SEMA5A: variants seen among roughly 807,000 people sequenced by gnomAD.
The protein encoded by SEMA5A is semaphorin-5A.
SEMA5A carries 55 observed loss-of-function variants against 135.5 expected under a neutral mutation model. The ratio of observed to expected loss-of-function variants is 0.41; its 90% CI spans 0.33 to 0.51. The LOEUF is 0.51. Ranked by LOEUF, SEMA5A falls within the 20% of genes least tolerant of loss-of-function variation. SEMA5A has a pLI of 0.37. For missense variants in SEMA5A, 1,290 were observed against 1,419.9 expected (o/e 0.91, Z 1.47); for synonymous variants, 580 against 546.5 (o/e 1.06, Z -0.85).
chr5:9,411,436 G>T (rs190745117), intron 2 of SEMA5A, among the ~76,000 whole-genome samples: 5 of 152,302 alleles, frequency 3.3e-5, no homozygotes, highest in Admixed American at 3.3e-4. Context: ...AAAGTGTGTT[G>T]TTAGTTGCGC....
chr5:9,396,952 A>G (rs919027286), intron 2 of SEMA5A, among the ~76,000 whole-genome samples: 3 of 152,134 alleles, frequency 2.0e-5, no homozygotes, highest in Non-Finnish European at 4.4e-5. Flanking sequence ...ACACTGAAAT[A>G]TATTCAACCT....
intron 10 of SEMA5A, among the ~76,000 whole-genome samples, chr5:9,194,119 C>G (rs761263123): frequency 6.6e-6 from 1 of 152,078 alleles, no homozygotes; most frequent in Non-Finnish European, 1.5e-5. Flanking sequence ...CACTGGGCCT[C>G]GGTGATGTTT....
At chr5:9,111,473 T>C (rs1311004068) in intron 15 of SEMA5A, among the ~76,000 whole-genome samples, 1 of 152,222 alleles carries the variant, frequency 6.6e-6, no homozygotes, top group Non-Finnish European at 1.5e-5. Flanking sequence ...GCTCAGCATG[T>C]TATTATTGTA....
At chr5:9,169,618 GAAC>G (rs772256791) in intron 11 of SEMA5A, among the ~76,000 whole-genome samples, 1 of 152,100 alleles carries the variant, frequency 6.6e-6, no homozygotes, top group Non-Finnish European at 1.5e-5. Flanking sequence ...ATCTGCTCTT[GAAC>G]AAATAAAACC....
chr5:9,120,998 G>C (rs945771889), intron 14 of SEMA5A, among the ~76,000 whole-genome samples: 54 of 151,996 alleles, frequency 3.6e-4, no homozygotes, highest in Admixed American at 3.5e-3. Flanking sequence ...GGCTGGTTTT[G>C]AACTCCCGAC....
intron 5 of SEMA5A, among the ~76,000 whole-genome samples, chr5:9,243,785 C>T (rs1464476709): frequency 2.0e-5 from 3 of 152,128 alleles, no homozygotes; most frequent in African/African-American, 4.8e-5. Flanking sequence ...AGGATTGGCA[C>T]TTTATAACTT....
At chr5:9,275,846 C>G (rs1750233741) in intron 5 of SEMA5A, among the ~76,000 whole-genome samples, 1 of 152,148 alleles carries the variant, frequency 6.6e-6, no homozygotes, top group Non-Finnish European at 1.5e-5. Flanking sequence ...ATAATAAGAG[C>G]TATTTATGAC....
intron 19 of SEMA5A, 106 bp downstream of exon 19, chr5:9,053,981 C>G (rs763135070): frequency 4.7e-5 from 62 of 1,328,330 alleles, no homozygotes; most frequent in Admixed American, 1.7e-4. Context: ...TGCCCACCCC[C>G]CTTTCAGTAC....
intron 1 of SEMA5A, among the ~76,000 whole-genome samples, chr5:9,464,846 T>C (rs1172323851): frequency 6.6e-6 from 1 of 152,222 alleles, no homozygotes; most frequent in Non-Finnish European, 1.5e-5. Flanking sequence ...CAGGTCTCTT[T>C]TGGAGCAGAT....
At chr5:9,285,248 T>C (rs185570270) in intron 5 of SEMA5A, among the ~76,000 whole-genome samples, 1 of 152,344 alleles carries the variant, frequency 6.6e-6, no homozygotes, top group African/African-American at 2.4e-5. Context: ...AATGCTAATA[T>C]TTCATGATGC....
At chr5:9,398,315 T>C (rs1294130579) in intron 2 of SEMA5A, among the ~76,000 whole-genome samples, 1 of 152,224 alleles carries the variant, frequency 6.6e-6, no homozygotes, top group East Asian at 1.9e-4. Flanking sequence ...ACTTCCTAAA[T>C]GGAAGTCGGA....
intron 8 of SEMA5A, among the ~76,000 whole-genome samples, chr5:9,221,449 C>T (rs899263242): frequency 6.6e-6 from 1 of 151,238 alleles, no homozygotes; most frequent in Admixed American, 6.6e-5. Flanking sequence ...ACTACAGGCG[C>T]CCACCACCAC....
chr5:9,313,926 T>C (rs1172206158), intron 5 of SEMA5A, among the ~76,000 whole-genome samples: 4 of 152,014 alleles, frequency 2.6e-5, no homozygotes, highest in East Asian at 3.9e-4. Flanking sequence ...ATCAGGAGAG[T>C]CACAGGTAAT....
At chr5:9,526,562 A>T (rs1036691447) in intron 1 of SEMA5A, among the ~76,000 whole-genome samples, 2 of 152,310 alleles carry the variant, frequency 1.3e-5, no homozygotes, top group East Asian at 3.9e-4. Flanking sequence ...CCAATTTTTT[A>T]AAGGAAATGG....
At chr5:9,478,502 C>T (rs1389808836) in intron 1 of SEMA5A, among the ~76,000 whole-genome samples, 1 of 152,218 alleles carries the variant, frequency 6.6e-6, no homozygotes, top group Non-Finnish European at 1.5e-5. Flanking sequence ...CAAGGCTGCC[C>T]AAGGGCTTGA....
chr5:9,204,388 AACC>A lies in SEMA5A; in HGVS notation c.647-2151_647-2149del, dbSNP rs768969954. Among the ~76,000 whole-genome samples the A allele has an allele frequency of 5.3e-5, 8 of 152,226 alleles. No individual in the cohort carries two copies. The highest frequency in any genetic ancestry group is 8.8e-5 in the Non-Finnish European group (6 of 68,040). On this transcript the variant is annotated intron_variant, in intron 8 of 22. Coordinates refer to ENST00000382496, the MANE Select transcript of SEMA5A (RefSeq NM_003966.3). The surrounding 1 kb of genome is among the most constrained non-coding windows in gnomAD (Gnocchi z 6.4). Reference sequence around the variant, plus strand: ...TTAACTTGGGGACAAATGGCATGAAAACCACATAGTAAATAGCTCCAGTTTCTC... The same window carrying A: ...TTAACTTGGGGACAAATGGCATGAAAACATAGTAAATAGCTCCAGTTTCTC...
intron 8 of SEMA5A, among the ~76,000 whole-genome samples, chr5:9,220,529 T>C (rs904933788): frequency 5.3e-5 from 8 of 151,046 alleles, no homozygotes; most frequent in Non-Finnish European, 1.0e-4. Context: ...CCAGAAATTA[T>C]TGAAATAGAA....
At chr5:9,118,819 G>A (rs1291494492) in intron 15 of SEMA5A, among the ~76,000 whole-genome samples, 179 bp downstream of exon 15, 1 of 152,168 alleles carries the variant, frequency 6.6e-6, no homozygotes, top group Non-Finnish European at 1.5e-5. Context: ...TGATGCTGTC[G>A]ACGAGGCTTT....
chr5:9,244,623 G>A (rs1487525798), intron 5 of SEMA5A, among the ~76,000 whole-genome samples: 1 of 152,196 alleles, frequency 6.6e-6, no homozygotes. Context: ...CTTGGTACAC[G>A]TCTGTATCTG....
Sources: gnomAD v4.1 joint callset for allele counts (sites outside exome capture counted in the v4.1 genomes callset) on GRCh38, gnomAD v4.1.1 for gene constraint, Gnocchi (gnomAD v3.1) non-coding constraint, MANE v1.5 for transcripts, NCBI Gene and HGNC (gene_info 2026-07-23, HGNC 2026-07-21) for gene names.